The following HTR2C variants were observed in gnomAD, a reference collection of about 807,000 sequenced individuals.
HTR2C encodes 5-hydroxytryptamine receptor 2C, also known as 5-hydroxytryptamine (serotonin) receptor 2C, G protein-coupled.
HTR2C carries 5 observed loss-of-function variants against 21.0 expected under a neutral mutation model. The observed-to-expected ratio is 0.24, with a 90% confidence interval of 0.12 to 0.50. HTR2C has a LOEUF of 0.50. Ranked by LOEUF, HTR2C falls within the 20% of genes least tolerant of loss-of-function variation. The pLI, the probability that HTR2C is intolerant of heterozygous loss-of-function variation, is 0.98. For synonymous variants in HTR2C, 150 were observed against 145.3 expected, an observed-to-expected ratio of 1.03 and a Z score of -0.23; for missense variants, 271 against 371.2, an observed-to-expected ratio of 0.73 and a Z score of 2.22.
rs1180669870 is a variant in HTR2C, at chrX:114,705,653, G to A, written c.-79-21205G>A. ...CATTCAGCACATAGGCATGGGCAAG[G>A]ACTTCATGTCTAAAACACCAAAAGC... On this transcript the variant is annotated intron_variant, in intron 2 of 5. Transcript: ENST00000276198. Among the ~76,000 whole-genome samples, 45 of 92,782 alleles carry A rather than the reference G, an allele frequency of 4.9e-4. No homozygotes were observed. In the Middle Eastern group the frequency reaches 0.016, roughly 33 times the overall value. 80.6% of individuals were successfully genotyped at this position (92,782 alleles called of 115,157 possible).
chrX:114,614,315 C>G (rs1464974737), intron 2 of HTR2C, among the ~76,000 whole-genome samples: 1 of 109,571 alleles, frequency 9.1e-6, no homozygotes, highest in Non-Finnish European at 1.9e-5. Context: ...GGCTGGAGTG[C>G]AGTGGTGCAA....
chrX:114,843,474 T>A (rs781865015), intron 4 of HTR2C, among the ~76,000 whole-genome samples: 1 of 111,316 alleles, frequency 9.0e-6, no homozygotes, highest in Non-Finnish European at 1.9e-5. Context: ...GAACAATGCC[T>A]AAGGGACCTT....
intron 4 of HTR2C, among the ~76,000 whole-genome samples, chrX:114,827,296 A>G (rs1273585744): frequency 1.8e-5 from 2 of 110,928 alleles, no homozygotes; most frequent in Non-Finnish European, 3.8e-5. Context: ...ACCTATATAT[A>G]CATATTTTTT....
intron 4 of HTR2C, among the ~76,000 whole-genome samples, chrX:114,735,375 T>A (rs1462511353): frequency 9.0e-6 from 1 of 110,970 alleles, no homozygotes. Context: ...AAATAGTGGA[T>A]GGGATTCATC....
intron 2 of HTR2C, among the ~76,000 whole-genome samples, chrX:114,698,554 C>CTTGTA (rs1556416250): frequency 9.0e-6 from 1 of 111,117 alleles, no homozygotes; most frequent in African/African-American, 3.3e-5. Flanking sequence ...TTTCAAATGT[C>CTTGTA]TTGTATTTCA....
chrX:114,598,602 A>G (rs1457816564), intron 1 of HTR2C, among the ~76,000 whole-genome samples: 2 of 111,340 alleles, frequency 1.8e-5, no homozygotes, highest in Non-Finnish European at 3.8e-5. Context: ...TTTAAGTTAC[A>G]AGTAAGTAAT....
chrX:114,627,419 A>G (rs1929422911), intron 2 of HTR2C, among the ~76,000 whole-genome samples: 1 of 111,642 alleles, frequency 9.0e-6, no homozygotes, highest in Non-Finnish European at 1.9e-5. Context: ...TTATGTGATC[A>G]GCACTATGCC....
chrX:114,888,685 A>G (rs1336876299), intron 5 of HTR2C, among the ~76,000 whole-genome samples: 2 of 111,639 alleles, frequency 1.8e-5, no homozygotes, highest in African/African-American at 6.5e-5. Flanking sequence ...GCTCTACTAG[A>G]TTTCCTTGAA....
chrX:114,757,198 A>G (rs1000508076), intron 4 of HTR2C, among the ~76,000 whole-genome samples: 1 of 111,713 alleles, frequency 9.0e-6, no homozygotes, highest in African/African-American at 3.2e-5. Context: ...AATTTAAAAA[A>G]CAACTGGAGT....
intron 4 of HTR2C, among the ~76,000 whole-genome samples, chrX:114,757,983 A>T (rs1556430862): frequency 7.2e-5 from 8 of 110,990 alleles, no homozygotes; most frequent in Non-Finnish European, 1.9e-5. Context: ...AAACACACAC[A>T]CACACACAGA....
intron 4 of HTR2C, among the ~76,000 whole-genome samples, chrX:114,769,873 A>G (rs782342942): frequency 8.7e-4 from 97 of 111,875 alleles, no homozygotes; most frequent in Non-Finnish European, 1.5e-3. Flanking sequence ...ATTTCAGTTG[A>G]AAGATTCCCT....
chrX:114,903,181 ATAT>A (rs2071349236), intron 5 of HTR2C, among the ~76,000 whole-genome samples: 1 of 111,552 alleles, frequency 9.0e-6, no homozygotes, highest in Non-Finnish European at 1.9e-5. Flanking sequence ...TGTACAACAT[ATAT>A]TGTTATTAAT....
intron 2 of HTR2C, among the ~76,000 whole-genome samples, chrX:114,707,307 G>C (rs894831999): frequency 1.8e-5 from 2 of 111,247 alleles, no homozygotes; most frequent in Admixed American, 1.9e-4. Flanking sequence ...TGTAGTCCCA[G>C]CTACTTGAGA....
chrX:114,848,721 A>G (rs1043737157), intron 5 of HTR2C, among the ~76,000 whole-genome samples: 2 of 110,619 alleles, frequency 1.8e-5, no homozygotes, highest in Non-Finnish European at 3.8e-5. Flanking sequence ...AAAATGTACT[A>G]TTTTCTCTCA....
At chrX:114,677,196 G>A (rs1367553617) in intron 2 of HTR2C, among the ~76,000 whole-genome samples, 4 of 111,337 alleles carry the variant, frequency 3.6e-5, no homozygotes, top group African/African-American at 1.3e-4. Context: ...TAGATTTCCT[G>A]AGCTGATTGA....
intron 1 of HTR2C, among the ~76,000 whole-genome samples, chrX:114,607,185 C>A (rs1206034283): frequency 9.0e-6 from 1 of 111,681 alleles, no homozygotes; most frequent in Non-Finnish European, 1.9e-5. Flanking sequence ...GCCATCTGGG[C>A]ATATACGTGC....
At chrX:114,877,805 G>A (rs1378471271) in intron 5 of HTR2C, among the ~76,000 whole-genome samples, 1 of 109,572 alleles carries the variant, frequency 9.1e-6, no homozygotes, top group African/African-American at 3.3e-5. Flanking sequence ...TCATACCATT[G>A]TGGTCAGAAA....
intron 2 of HTR2C, among the ~76,000 whole-genome samples, chrX:114,692,633 T>C (rs1199538495): frequency 1.8e-5 from 2 of 111,206 alleles, no homozygotes; most frequent in African/African-American, 6.5e-5. Flanking sequence ...TTGAATATAC[T>C]ATAAACTTTT....
At chrX:114,722,774 A>C (rs1369145661) in intron 2 of HTR2C, among the ~76,000 whole-genome samples, 2 of 107,770 alleles carry the variant, frequency 1.9e-5, no homozygotes, top group African/African-American at 3.4e-5. Flanking sequence ...TGAGATAATC[A>C]TGTGGTTTTT....
Sources: gnomAD v4.1 joint callset for allele counts (sites outside exome capture counted in the v4.1 genomes callset) on GRCh38, gnomAD v4.1.1 for gene constraint, MANE v1.5 for transcripts, NCBI Gene and HGNC (gene_info 2026-07-23, HGNC 2026-07-21) for gene names.